NFATC1: variants seen among roughly 807,000 people sequenced by gnomAD.
NFATC1 encodes nuclear factor of activated T cells 1.
NFATC1 carries 22 observed loss-of-function variants against 76.0 expected under a neutral mutation model. The ratio of observed to expected loss-of-function variants is 0.29; its 90% confidence interval spans 0.21 to 0.41. The LOEUF is 0.41. Ranked by LOEUF, NFATC1 falls within the 10% of genes least tolerant of loss-of-function variation. The pLI is 1.00. For missense variants in NFATC1, 1,357 were observed against 1,337.7 expected, an observed-to-expected ratio of 1.01 and a Z score of -0.23; for synonymous variants, 704 against 613.1, an observed-to-expected ratio of 1.15 and a Z score of -2.19.
intron 9 of NFATC1, among the ~76,000 whole-genome samples, chr18:79,504,538 C>T (rs141344884): frequency 2.6e-5 from 4 of 152,344 alleles, no homozygotes; most frequent in African/African-American, 4.8e-5. Context: ...CACAGATCTC[C>T]GCAGCAGATA....
intron 2 of NFATC1, among the ~76,000 whole-genome samples, chr18:79,432,314 CG>C (rs1242860406): frequency 7.2e-5 from 4 of 55,256 alleles, no homozygotes; most frequent in Non-Finnish European, 1.4e-4. Flanking sequence ...CCACGGTGCT[CG>C]GGGTGAGCCT....
At position 79,465,103 on chromosome 18, in the gene NFATC1, G is replaced by A. The variant is rs2088404147; in HGVS notation, c.1960-2347G>A. On this transcript the variant is annotated intron_variant, in intron 7 of 9. Coordinates refer to ENST00000427363, the MANE Select transcript of NFATC1 (RefSeq NM_001278669.2). The surrounding 1 kb of genome is among the most constrained non-coding windows in gnomAD (Gnocchi z 4.2). ...CTTCATCTCAACAGTGGAGTTTAAA[G>A]CAGGTTGCGTAGGTGCTGGTGCCAT... Among the ~76,000 whole-genome samples the A allele has an allele frequency of 6.6e-6, 1 of 152,168 alleles. No individual in the cohort carries two copies. The highest frequency in any genetic ancestry group is 6.5e-5 in the Admixed American group (1 of 15,284).
chr18:79,422,896 G>C (rs904156064), intron 2 of NFATC1: 1 of 152,248 alleles, frequency 6.6e-6, no homozygotes, highest in African/African-American at 2.4e-5. Flanking sequence ...GAGGCCTACA[G>C]GGAGCTGTCG....
chr18:79,476,019 G>C (rs944389806), intron 8 of NFATC1, among the ~76,000 whole-genome samples: 1 of 152,238 alleles, frequency 6.6e-6, no homozygotes, highest in Non-Finnish European at 1.5e-5. Context: ...CTCCAGAAGG[G>C]GGGTGGGGCC....
intron 3 of NFATC1, among the ~76,000 whole-genome samples, chr18:79,442,731 C>T (rs774134134): frequency 4.3e-4 from 65 of 152,336 alleles, no homozygotes; most frequent in Admixed American, 2.2e-3. Context: ...CGGCGGGCCA[C>T]GCCTTGCTGT....
At chr18:79,431,955 C>A (rs1475246951) in intron 2 of NFATC1, among the ~76,000 whole-genome samples, 1 of 152,262 alleles carries the variant, frequency 6.6e-6, no homozygotes, top group East Asian at 1.9e-4. Flanking sequence ...CCCGCCTCGG[C>A]CTCCCCGAGT....
intron 1 of NFATC1, among the ~76,000 whole-genome samples, chr18:79,402,578 C>T (rs1236407089): frequency 6.6e-6 from 1 of 152,168 alleles, no homozygotes; most frequent in African/African-American, 2.4e-5. Context: ...TGTGTCCTTG[C>T]CCCTCCAGAG....
chr18:79,424,735 C>T (rs2086230430), intron 2 of NFATC1, among the ~76,000 whole-genome samples: 1 of 151,764 alleles, frequency 6.6e-6, no homozygotes, highest in Admixed American at 6.6e-5. Flanking sequence ...CTCTCCGTCT[C>T]TGTCTGTGTC....
In NFATC1 at chr18:79,436,685, T is replaced by C. The variant is rs1035910279; in HGVS notation, c.1386+2947T>C. On this transcript the variant is annotated intron_variant, in intron 3 of 9. Coordinates refer to ENST00000427363, the MANE Select transcript of NFATC1 (RefSeq NM_001278669.2). The stretch of plus-strand genomic sequence containing the variant: ...CTCTGGGTTAGGAAAGGGTGTTTGC[T>C]CCTCTGGATAGGTGCTCGCTCTTAC... 8.3e-4 allele frequency among the ~76,000 whole-genome samples: 126 copies of C among 152,114 alleles called. 1 individual carries two copies. Among genetic ancestry groups the C allele is most frequent in the Middle Eastern group, 3.2e-3 (1 of 316 alleles).
At chr18:79,426,778 C>T (rs1366392493) in intron 2 of NFATC1, among the ~76,000 whole-genome samples, 1 of 152,232 alleles carries the variant, frequency 6.6e-6, no homozygotes, top group Non-Finnish European at 1.5e-5. Flanking sequence ...ACTGCAGATT[C>T]GCGGGAAGCT....
chr18:79,486,599 G>A lies in NFATC1; in HGVS notation c.2444G>A (p.Gly815Glu). The change falls in exon 9 of 10, where the codon GGG becomes GAG. Residue 815 changes from glycine to glutamate, a missense_variant. By Grantham distance (98) the Gly-to-Glu change is moderately conservative. Transcript: ENST00000427363. ...RPVATHPGSP[G>E]QPPPALLPQQ... ...GTGGCCACGCACCCCGGCTCGCCCG[G>A]GCAGCCACCCCCGGCCCTGCTGCCA... The A allele has an allele frequency of 6.3e-7, 1 of 1,591,772 alleles. No homozygotes were observed. Among genetic ancestry groups the A allele is most frequent in the Non-Finnish European group, 8.5e-7 (1 of 1,173,410 alleles).
rs1224297897 is a variant in NFATC1, at chr18:79,465,221, TAA to T, written c.1960-2228_1960-2227del. 6.6e-6 allele frequency among the ~76,000 whole-genome samples: 1 copy of T among 152,250 alleles called. No homozygotes were observed. The highest frequency in any genetic ancestry group is 1.9e-4 in the East Asian group (1 of 5,198). On this transcript the variant is annotated intron_variant, in intron 7 of 9. Coordinates refer to ENST00000427363, the MANE Select transcript of NFATC1 (RefSeq NM_001278669.2). This position sits in a 1 kb window ranked among gnomAD's most constrained non-coding sequence, Gnocchi z 4.2. ...TTTATCGCTTCCTTCTGTGTGTATT[TAA>T]GTGGCAGTGCTCCCACGGAGATAGT...
chr18:79,424,589 CTG>C (rs905143689), intron 2 of NFATC1, among the ~76,000 whole-genome samples: 2 of 148,992 alleles, frequency 1.3e-5, no homozygotes, highest in African/African-American at 5.2e-5. Context: ...ATCTCTTTCT[CTG>C]TCTCTCTCTG....
At chr18:79,443,083 CG>C (rs1371508063) in intron 3 of NFATC1, among the ~76,000 whole-genome samples, 1 of 152,052 alleles carries the variant, frequency 6.6e-6, no homozygotes, top group African/African-American at 2.4e-5. Context: ...TTTTCAGTCG[CG>C]GCTGGAAGGT....
chr18:79,476,473 T>C (rs529172188), intron 8 of NFATC1, among the ~76,000 whole-genome samples: 1 of 152,372 alleles, frequency 6.6e-6, no homozygotes, highest in African/African-American at 2.4e-5. Context: ...CCCACCTCAC[T>C]GTGCCCTGGA....
intron 1 of NFATC1, among the ~76,000 whole-genome samples, chr18:79,402,624 C>G (rs181169626): frequency 3.0e-4 from 46 of 152,272 alleles, no homozygotes; most frequent in East Asian, 9.7e-4. Flanking sequence ...GTTGGGGCTC[C>G]GAGCAGGAGA....
intron 9 of NFATC1, among the ~76,000 whole-genome samples, chr18:79,506,554 A>G (rs1209726010): frequency 2.0e-5 from 3 of 152,228 alleles, no homozygotes; most frequent in African/African-American, 7.2e-5. Flanking sequence ...GAAGATGCTC[A>G]GTGCTGGGGG....
intron 6 of NFATC1, among the ~76,000 whole-genome samples, chr18:79,459,448 T>C (rs2087937205): frequency 6.6e-6 from 1 of 152,162 alleles, no homozygotes; most frequent in Admixed American, 6.5e-5. Flanking sequence ...GCAGGCTGTG[T>C]TGGCCTCGGC....
intron 2 of NFATC1, among the ~76,000 whole-genome samples, chr18:79,425,478 T>C (rs968324558): frequency 2.0e-5 from 3 of 152,208 alleles, no homozygotes; most frequent in Non-Finnish European, 2.9e-5. Flanking sequence ...GCTTCGTCTG[T>C]CTGGAAACTG....
Sources: gnomAD v4.1 joint callset for allele counts (sites outside exome capture counted in the v4.1 genomes callset) on GRCh38, gnomAD v4.1.1 for gene constraint, Gnocchi (gnomAD v3.1) non-coding constraint, MANE v1.5 for transcripts, NCBI Gene and HGNC (gene_info 2026-07-23, HGNC 2026-07-21) for gene names.